PPM1L: variants seen among roughly 807,000 people sequenced by gnomAD.
The protein encoded by PPM1L is protein phosphatase 1L.
Under a neutral mutation model 31.4 loss-of-function variants are expected in PPM1L, and 13 were observed. The ratio of observed to expected loss-of-function variants is 0.41; its 90% CI spans 0.27 to 0.66. The LOEUF (loss-of-function observed/expected upper bound fraction) is 0.66. Among genes scored for constraint, PPM1L ranks in the 30% least tolerant of loss-of-function variants. The pLI, the probability that PPM1L is intolerant of heterozygous loss-of-function variation, is 0.29. For synonymous variants in PPM1L, 184 were observed against 175.4 expected (o/e 1.05, Z -0.39); for missense variants, 326 against 453.7 (o/e 0.72, Z 2.56).
At chr3:160,828,455 G>A (rs1314700232) in intron 1 of PPM1L, among the ~76,000 whole-genome samples, 1 of 152,096 alleles carries the variant, frequency 6.6e-6, no homozygotes, top group Non-Finnish European at 1.5e-5. Flanking sequence ...CCAGGCATTA[G>A]GTGGGTGCTA....
intron 1 of PPM1L, among the ~76,000 whole-genome samples, chr3:160,758,816 G>A (rs1714886246): frequency 6.6e-6 from 1 of 152,150 alleles, no homozygotes; most frequent in African/African-American, 2.4e-5. Flanking sequence ...ATAATCTTTA[G>A]CCAAACCATG....
chr3:160,851,150 C>CT (rs1191956120), intron 1 of PPM1L, among the ~76,000 whole-genome samples: 1 of 152,082 alleles, frequency 6.6e-6, no homozygotes, highest in East Asian at 1.9e-4. Context: ...GCAAGAGTTT[C>CT]TTTTTTAAAC....
At chr3:160,914,903 C>T (rs1166827737) in intron 1 of PPM1L, among the ~76,000 whole-genome samples, 10 of 152,122 alleles carry the variant, frequency 6.6e-5, no homozygotes, top group Non-Finnish European at 1.0e-4. Flanking sequence ...TACAGTCCCA[C>T]CAACAGTGTA....
intron 1 of PPM1L, among the ~76,000 whole-genome samples, chr3:160,884,424 A>G (rs1712839584): frequency 6.6e-6 from 1 of 152,304 alleles, no homozygotes; most frequent in South Asian, 2.1e-4. Context: ...AAGACATTTT[A>G]AAGAATAGCA....
intron 1 of PPM1L, among the ~76,000 whole-genome samples, chr3:160,765,571 C>A (rs1715083112): frequency 6.6e-6 from 1 of 152,198 alleles, no homozygotes; most frequent in Non-Finnish European, 1.5e-5. Context: ...ATTCAAACAT[C>A]TGTTCTAATC....
intron 2 of PPM1L, among the ~76,000 whole-genome samples, chr3:161,038,070 A>G (rs1718797790): frequency 6.6e-6 from 1 of 151,480 alleles, no homozygotes; most frequent in South Asian, 2.1e-4. Flanking sequence ...CGTCTCTACT[A>G]AAAAATACGA....
chr3:160,838,142 G>T (rs1461302034), intron 1 of PPM1L, among the ~76,000 whole-genome samples: 1 of 152,140 alleles, frequency 6.6e-6, no homozygotes, highest in Admixed American at 6.5e-5. Context: ...TGGACTCCAG[G>T]ATTCTTTTTG....
chr3:160,983,987 T>G (rs1716884572), intron 2 of PPM1L, among the ~76,000 whole-genome samples: 1 of 152,134 alleles, frequency 6.6e-6, no homozygotes, highest in Non-Finnish European at 1.5e-5. Flanking sequence ...TAGGGCGAGA[T>G]CACAAGGTCA....
chr3:161,063,805 G>C (rs1719645292), intron 2 of PPM1L, among the ~76,000 whole-genome samples: 1 of 152,192 alleles, frequency 6.6e-6, no homozygotes, highest in African/African-American at 2.4e-5. Context: ...TAAAGAAAAT[G>C]TGGCACATAT....
intron 2 of PPM1L, among the ~76,000 whole-genome samples, chr3:161,028,445 A>G (rs16831771): frequency 0.059 from 8,955 of 152,224 alleles, 290 homozygotes; most frequent in African/African-American, 0.072. Flanking sequence ...CAAGTATGGC[A>G]GGAGAAAAGA....
chr3:160,803,681 A>C (rs891230392), intron 1 of PPM1L, among the ~76,000 whole-genome samples: 7 of 152,244 alleles, frequency 4.6e-5, no homozygotes, highest in African/African-American at 1.7e-4. Flanking sequence ...ATTTTTTGCT[A>C]ATAAACAATC....
intron 2 of PPM1L, among the ~76,000 whole-genome samples, chr3:161,004,818 G>T (rs1450119533): frequency 1.3e-5 from 2 of 151,796 alleles, no homozygotes; most frequent in East Asian, 3.9e-4. Flanking sequence ...TTTTTTGAAG[G>T]GTTTTTTGTA....
At chr3:161,037,637 G>A (rs753588714) in intron 2 of PPM1L, among the ~76,000 whole-genome samples, 1 of 133,562 alleles carries the variant, frequency 7.5e-6, no homozygotes, top group African/African-American at 2.8e-5. Flanking sequence ...TCTCCATGTT[G>A]GTCAGGCTGG....
chr3:160,786,902 T>C (rs528577457), intron 1 of PPM1L, among the ~76,000 whole-genome samples: 1 of 152,320 alleles, frequency 6.6e-6, no homozygotes, highest in South Asian at 2.1e-4. Context: ...TCTAGCTGGA[T>C]TCATGTTGCC....
intron 2 of PPM1L, among the ~76,000 whole-genome samples, chr3:161,044,544 A>G (rs562325040): frequency 6.6e-6 from 1 of 151,964 alleles, no homozygotes; most frequent in East Asian, 1.9e-4. Context: ...GTTCAAGGTC[A>G]GTCTGGGCAA....
Position 160,756,722 on chromosome 3 carries a change from G to T in PPM1L, c.399+15G>T, listed in dbSNP as rs762002751. 1 of 1,608,224 alleles carries T rather than the reference G, an allele frequency of 6.2e-7. No homozygotes were observed. The highest frequency in any genetic ancestry group is 1.1e-5 in the South Asian group (1 of 90,238). On this transcript the variant is annotated intron_variant, in intron 1 of 3. Transcript: ENST00000498165. The surrounding 1 kb of genome is among the most constrained non-coding windows in gnomAD (Gnocchi z 6.2). ...ACGGGGGAGAGGTAGGAGCTACCCCGGGGCTTTGTATTTGTGTCCGTGTAT... is the reference window on the plus strand; with the variant it reads ...ACGGGGGAGAGGTAGGAGCTACCCCTGGGCTTTGTATTTGTGTCCGTGTAT...
rs558164896 is a variant in PPM1L, at chr3:161,046,138, A to G, written c.575-19265A>G. Among the ~76,000 whole-genome samples the G allele has an allele frequency of 9.3e-4, 139 of 149,422 alleles. 1 individual carries two copies. The highest frequency in any genetic ancestry group is 3.4e-3 in the African/African-American group (137 of 40,452). ...AAAAAAAAAAAAAAAAAAAAAATCA[A>G]TGAATACAGGAGCTGGTTTTTTGAA... On this transcript the variant is annotated intron_variant, in intron 2 of 3. Transcript: ENST00000498165.
At chr3:160,962,665 T>C (rs1294179383) in intron 2 of PPM1L, among the ~76,000 whole-genome samples, 2 of 152,102 alleles carry the variant, frequency 1.3e-5, no homozygotes, top group Non-Finnish European at 2.9e-5. Flanking sequence ...TTAATTCTTA[T>C]ATTAATGCCA....
At chr3:160,997,540 T>C (rs1228833202) in intron 2 of PPM1L, among the ~76,000 whole-genome samples, 3 of 152,110 alleles carry the variant, frequency 2.0e-5, no homozygotes, top group Admixed American at 6.5e-5. Context: ...CAGGTATAGT[T>C]ATTTAAGTAT....
Sources: gnomAD v4.1 joint callset for allele counts (sites outside exome capture counted in the v4.1 genomes callset) on GRCh38, gnomAD v4.1.1 for gene constraint, Gnocchi (gnomAD v3.1) non-coding constraint, MANE v1.5 for transcripts, NCBI Gene and HGNC (gene_info 2026-07-23, HGNC 2026-07-21) for gene names.